The following KIAA1328 variants were observed in gnomAD, a reference collection of about 807,000 sequenced individuals.
KIAA1328 encodes KIAA1328.
In KIAA1328, 52 loss-of-function variants were observed where a neutral mutation model predicts 68.1. That is an observed-to-expected ratio of 0.76 (90% CI 0.61 to 0.96). The LOEUF (loss-of-function observed/expected upper bound fraction) is 0.96, where lower values mean the gene tolerates loss of function less well. KIAA1328 is among the 40% of genes least tolerant of loss of function. The probability of loss-of-function intolerance (pLI) is 0.00; values close to 1 mark genes in which losing one functional copy is unlikely to be tolerated. For missense variants in KIAA1328, 641 were observed against 677.6 expected, an observed-to-expected ratio of 0.95 and a Z score of 0.60; for synonymous variants, 232 against 239.4, an observed-to-expected ratio of 0.97 and a Z score of 0.28.
At chr18:36,889,854 G>A (rs1015453157) in intron 5 of KIAA1328, among the ~76,000 whole-genome samples, 6 of 152,154 alleles carry the variant, frequency 3.9e-5, no homozygotes, top group Admixed American at 2.0e-4. Flanking sequence ...GATTATGCAA[G>A]GGTTAGGCTG....
At chr18:36,854,226 A>C (rs1445477235) in intron 4 of KIAA1328, among the ~76,000 whole-genome samples, 1 of 152,200 alleles carries the variant, frequency 6.6e-6, no homozygotes, top group African/African-American at 2.4e-5. Context: ...GAGACCTCAG[A>C]AGAAACTAAT....
At chr18:37,097,519 C>G (rs996916172) in intron 7 of KIAA1328, among the ~76,000 whole-genome samples, 2 of 152,170 alleles carry the variant, frequency 1.3e-5, no homozygotes. Context: ...ATGCCTCCAG[C>G]TTTGTTCTTT....
intron 7 of KIAA1328, among the ~76,000 whole-genome samples, chr18:37,144,792 A>T (rs975415367): frequency 2.0e-5 from 3 of 152,128 alleles, no homozygotes; most frequent in African/African-American, 7.2e-5. Flanking sequence ...CACATCCCAA[A>T]GTGTGGGGAT....
At chr18:37,156,048 G>A (rs1454625250) in intron 7 of KIAA1328, among the ~76,000 whole-genome samples, 1 of 151,908 alleles carries the variant, frequency 6.6e-6, no homozygotes, top group South Asian at 2.1e-4. Flanking sequence ...TACTGCATTT[G>A]GCATATGGTA....
At chr18:37,127,030 G>A (rs2058409690) in intron 7 of KIAA1328, among the ~76,000 whole-genome samples, 2 of 152,144 alleles carry the variant, frequency 1.3e-5, no homozygotes, top group South Asian at 4.1e-4. Context: ...ACAAGGCAAA[G>A]ATGTTCACTC....
At chr18:36,856,907 T>C (rs1208898574) in intron 4 of KIAA1328, among the ~76,000 whole-genome samples, 2 of 152,200 alleles carry the variant, frequency 1.3e-5, no homozygotes, top group Admixed American at 1.3e-4. Context: ...GACTTCCTTG[T>C]CATGTAGTCT....
At chr18:37,034,993 C>T (rs1411799745) in intron 6 of KIAA1328, among the ~76,000 whole-genome samples, 1 of 152,088 alleles carries the variant, frequency 6.6e-6, no homozygotes, top group African/African-American at 2.4e-5. Flanking sequence ...CCATGCAAGA[C>T]CTTTAAGGAA....
intron 4 of KIAA1328, among the ~76,000 whole-genome samples, chr18:36,880,073 G>T (rs1601116225): frequency 6.6e-6 from 1 of 152,098 alleles, no homozygotes; most frequent in African/African-American, 2.4e-5. Context: ...GCACCACTGG[G>T]GTATGAAAAA....
intron 6 of KIAA1328, among the ~76,000 whole-genome samples, chr18:37,010,541 G>A (rs1298247277): frequency 6.8e-6 from 1 of 146,852 alleles, no homozygotes; most frequent in Non-Finnish European, 1.5e-5. Context: ...GCTATTAAAT[G>A]TATTCATTCT....
At chr18:37,082,894 AT>A (rs1247205959) in intron 7 of KIAA1328, among the ~76,000 whole-genome samples, 2 of 152,154 alleles carry the variant, frequency 1.3e-5, no homozygotes, top group African/African-American at 4.8e-5. Flanking sequence ...AATGATAAAT[AT>A]TTACCTTTGT....
At chr18:37,088,573 T>C (rs2057174153) in intron 7 of KIAA1328, among the ~76,000 whole-genome samples, 1 of 151,902 alleles carries the variant, frequency 6.6e-6, no homozygotes, top group African/African-American at 2.4e-5. Context: ...TTTAATTTAA[T>C]TTTTTTATTT....
intron 5 of KIAA1328, chr18:36,921,048 C>T (rs2049901708): frequency 6.6e-6 from 1 of 152,218 alleles, no homozygotes; most frequent in African/African-American, 2.4e-5. Flanking sequence ...ATCGAGTCAC[C>T]CAATTTTTTT....
intron 9 of KIAA1328, among the ~76,000 whole-genome samples, chr18:37,178,194 C>T (rs921959537): frequency 1.3e-5 from 2 of 152,098 alleles, no homozygotes; most frequent in Admixed American, 1.3e-4. Context: ...TGACCCCTCT[C>T]TCCCCATGTC....
chr18:36,889,500 T>C (rs1449573751), intron 5 of KIAA1328, among the ~76,000 whole-genome samples: 3 of 152,214 alleles, frequency 2.0e-5, no homozygotes, highest in Non-Finnish European at 2.9e-5. Context: ...CTTCACTGTT[T>C]TGACTGGCAT....
At chr18:37,083,286 C>T (rs1046788633) in intron 7 of KIAA1328, among the ~76,000 whole-genome samples, 2 of 152,182 alleles carry the variant, frequency 1.3e-5, no homozygotes, top group Non-Finnish European at 2.9e-5. Flanking sequence ...AAGCTGTAAG[C>T]TCCTGAAGGG....
At chr18:37,084,000 T>C (rs951743416) in intron 7 of KIAA1328, 7 of 433,108 alleles carry the variant, frequency 1.6e-5, no homozygotes, top group Non-Finnish European at 2.7e-5. Context: ...TCATTTATTT[T>C]TGACTAAGTT....
chr18:36,907,976 T>A (rs1203981061), intron 5 of KIAA1328, among the ~76,000 whole-genome samples: 1 of 152,184 alleles, frequency 6.6e-6, no homozygotes, highest in Non-Finnish European at 1.5e-5. Context: ...CCACTCAGAT[T>A]ACCCAATTTT....
At chr18:36,855,623 G>A (rs572588378) in intron 4 of KIAA1328, among the ~76,000 whole-genome samples, 19 of 151,540 alleles carry the variant, frequency 1.3e-4, no homozygotes, top group African/African-American at 4.6e-4. Context: ...TCTTGGTGGT[G>A]TCCTTTGAAA....
intron 6 of KIAA1328, 73 bp downstream of exon 6, chr18:36,959,508 A>G: frequency 2.0e-6 from 3 of 1,470,140 alleles, no homozygotes; most frequent in Admixed American, 2.3e-5. Context: ...TTTGTTTTTT[A>G]TCTTAATTTC....
Sources: gnomAD v4.1 joint callset for allele counts (sites outside exome capture counted in the v4.1 genomes callset) on GRCh38, gnomAD v4.1.1 for gene constraint, MANE v1.5 for transcripts, NCBI Gene and HGNC (gene_info 2026-07-23, HGNC 2026-07-21) for gene names.